CADPS2: variants seen among roughly 807,000 people sequenced by gnomAD.
The protein encoded by CADPS2 is calcium-dependent secretion activator 2.
Under a neutral mutation model 172.5 loss-of-function variants are expected in CADPS2, and 93 were observed. That is an observed-to-expected ratio of 0.54 (90% confidence interval 0.46 to 0.64). The LOEUF (loss-of-function observed/expected upper bound fraction) is 0.64, where lower values mean the gene tolerates loss of function less well. Among genes scored for constraint, CADPS2 ranks in the 30% least tolerant of loss-of-function variants. The pLI, the probability that CADPS2 is intolerant of heterozygous loss-of-function variation, is 0.00. For missense variants in CADPS2, 1,420 were observed against 1,565.9 expected, an observed-to-expected ratio of 0.91 and a Z score of 1.57; for synonymous variants, 546 against 555.2, an observed-to-expected ratio of 0.98 and a Z score of 0.23.
chr7:122,413,563 T>C (rs1428394508), intron 19 of CADPS2, among the ~76,000 whole-genome samples: 1 of 152,168 alleles, frequency 6.6e-6, no homozygotes, highest in African/African-American at 2.4e-5. Context: ...TGCGAGCCAC[T>C]TGAAGGTCTC....
chr7:122,655,433 T>C (rs1393307221), intron 3 of CADPS2, among the ~76,000 whole-genome samples: 1 of 152,150 alleles, frequency 6.6e-6, no homozygotes. Flanking sequence ...GGCGAGACCC[T>C]CTACCAGCAA....
intron 1 of CADPS2, among the ~76,000 whole-genome samples, chr7:122,819,580 G>C (rs534322702): frequency 1.3e-5 from 2 of 151,920 alleles, no homozygotes; most frequent in African/African-American, 4.8e-5. Context: ...TTGACAGCCA[G>C]GCTTCTAAAC....
intron 1 of CADPS2, among the ~76,000 whole-genome samples, chr7:122,797,963 T>C (rs368216153): frequency 1.3e-5 from 2 of 152,144 alleles, no homozygotes; most frequent in African/African-American, 4.8e-5. Context: ...GAGTTATACA[T>C]GTTTATTTAA....
At chr7:122,588,762 T>A (rs559781056) in intron 6 of CADPS2, among the ~76,000 whole-genome samples, 1 of 151,888 alleles carries the variant, frequency 6.6e-6, no homozygotes, top group Non-Finnish European at 1.5e-5. Context: ...TGACTTTGGA[T>A]TCACTCAATT....
intron 6 of CADPS2, among the ~76,000 whole-genome samples, chr7:122,592,545 T>C (rs1232246114): frequency 3.3e-5 from 5 of 152,162 alleles, no homozygotes; most frequent in Non-Finnish European, 7.3e-5. Flanking sequence ...ACACGTATGT[T>C]TATTGTGGCA....
intron 8 of CADPS2, among the ~76,000 whole-genome samples, chr7:122,554,246 G>A (rs2064717801): frequency 6.6e-6 from 1 of 152,096 alleles, no homozygotes; most frequent in Non-Finnish European, 1.5e-5. Context: ...TTTGAAGAAT[G>A]TTTCTTAGAA....
chr7:122,783,073 G>A (rs555628803), intron 1 of CADPS2, among the ~76,000 whole-genome samples: 22 of 151,814 alleles, frequency 1.4e-4, no homozygotes, highest in South Asian at 1.0e-3. Flanking sequence ...TTAGCCGGGC[G>A]TGGTGGTGGG....
At chr7:122,823,499 G>A (rs1046868644) in intron 1 of CADPS2, among the ~76,000 whole-genome samples, 5 of 151,568 alleles carry the variant, frequency 3.3e-5, no homozygotes, top group African/African-American at 1.2e-4. Flanking sequence ...ATGATTTAAT[G>A]TGCATAGAAG....
chr7:122,558,678 GA>G (rs1478582304), intron 7 of CADPS2, among the ~76,000 whole-genome samples: 2 of 152,090 alleles, frequency 1.3e-5, no homozygotes, highest in Non-Finnish European at 2.9e-5. Flanking sequence ...TTAAAAAAAT[GA>G]AATATAAAAT....
intron 6 of CADPS2, among the ~76,000 whole-genome samples, chr7:122,608,857 G>A (rs150627217): frequency 2.3e-3 from 348 of 151,846 alleles, no homozygotes; most frequent in Non-Finnish European, 3.0e-3. Flanking sequence ...ATATTTTATT[G>A]TGGTACTGCA....
intron 9 of CADPS2, among the ~76,000 whole-genome samples, chr7:122,504,888 A>T (rs1256347910): frequency 1.3e-5 from 2 of 152,180 alleles, no homozygotes; most frequent in Non-Finnish European, 2.9e-5. Context: ...TTATCAGCAA[A>T]GAAAGAACAC....
At chr7:122,723,501 T>A (rs2090722047) in intron 2 of CADPS2, among the ~76,000 whole-genome samples, 1 of 152,146 alleles carries the variant, frequency 6.6e-6, no homozygotes, top group South Asian at 2.1e-4. Flanking sequence ...CCAGTTAGAA[T>A]GGCAATCATT....
At chr7:122,802,989 G>GTTTTAT (rs1797976121) in intron 1 of CADPS2, among the ~76,000 whole-genome samples, 1 of 152,008 alleles carries the variant, frequency 6.6e-6, no homozygotes, top group African/African-American at 2.4e-5. Flanking sequence ...TGTATTTAAT[G>GTTTTAT]TTTTATTTTC....
chr7:122,831,850 T>C (rs536243577), intron 1 of CADPS2, among the ~76,000 whole-genome samples: 1 of 152,296 alleles, frequency 6.6e-6, no homozygotes, highest in South Asian at 2.1e-4. Context: ...ATTCTTGCCA[T>C]GCTAGAAAAC....
chr7:122,520,289 G>A (rs555344944), intron 8 of CADPS2, among the ~76,000 whole-genome samples: 6 of 151,474 alleles, frequency 4.0e-5, no homozygotes, highest in African/African-American at 7.2e-5. Context: ...ATGCTTATAC[G>A]ACAAAACTAT....
At chr7:122,562,863 T>A (rs1358362748) in intron 7 of CADPS2, among the ~76,000 whole-genome samples, 1 of 152,166 alleles carries the variant, frequency 6.6e-6, no homozygotes, top group Non-Finnish European at 1.5e-5. Context: ...AGTTTTGACT[T>A]TTCTTACAAT....
chr7:122,622,936 G>A (rs1458490117), intron 4 of CADPS2, among the ~76,000 whole-genome samples: 1 of 152,158 alleles, frequency 6.6e-6, no homozygotes, highest in Non-Finnish European at 1.5e-5. Flanking sequence ...GGATTGGAAG[G>A]AACATCTGGC....
chr7:122,831,675 T>C (rs898228449), intron 1 of CADPS2, among the ~76,000 whole-genome samples: 2 of 152,142 alleles, frequency 1.3e-5, no homozygotes, highest in Admixed American at 1.3e-4. Flanking sequence ...TTGTGAAAAA[T>C]TCATCACTCT....
At chr7:122,691,338 T>C (rs1433792090) in intron 2 of CADPS2, among the ~76,000 whole-genome samples, 2 of 152,232 alleles carry the variant, frequency 1.3e-5, no homozygotes, top group African/African-American at 4.8e-5. Context: ...ACACTGGAGC[T>C]CAGCTCCCTT....
Sources: gnomAD v4.1 joint callset for allele counts (sites outside exome capture counted in the v4.1 genomes callset) on GRCh38, gnomAD v4.1.1 for gene constraint, MANE v1.5 for transcripts, NCBI Gene and HGNC (gene_info 2026-07-23, HGNC 2026-07-21) for gene names.